CPS1: variants seen among roughly 807,000 people sequenced by gnomAD.
CPS1 encodes the protein carbamoyl-phosphate synthase [ammonia], mitochondrial.
In CPS1, 109 loss-of-function variants were observed where a neutral mutation model predicts 174.6. The observed-to-expected ratio is 0.62, with a 90% CI of 0.53 to 0.73. The LOEUF (loss-of-function observed/expected upper bound fraction) is 0.73. Ranked by LOEUF, CPS1 falls within the 30% of genes least tolerant of loss-of-function variation. CPS1 has a pLI of 0.00. For synonymous variants in CPS1, 637 were observed against 632.0 expected, an observed-to-expected ratio of 1.01 and a Z score of -0.12; for missense variants, 1,689 against 1,821.9, an observed-to-expected ratio of 0.93 and a Z score of 1.33.
At chr2:210,601,101 AT>A (rs894802854) in intron 15 of CPS1, among the ~76,000 whole-genome samples, 6 of 151,940 alleles carry the variant, frequency 3.9e-5, no homozygotes, top group African/African-American at 1.2e-4. Flanking sequence ...TTTGCTTTAA[AT>A]TTTTTTTAAA....
At chr2:210,560,590 A>G (rs368961118) in intron 1 of CPS1, among the ~76,000 whole-genome samples, 8 of 152,276 alleles carry the variant, frequency 5.3e-5, no homozygotes, top group African/African-American at 1.4e-4. Context: ...TCAGCTACGA[A>G]TGAGCACTGG....
chr2:210,675,813 A>C lies in CPS1; in HGVS notation c.4247A>C (p.Gln1416Pro). 1 of 1,575,080 alleles carries C rather than the reference A, an allele frequency of 6.3e-7. No homozygotes were observed. The highest frequency in any genetic ancestry group is 1.1e-5 in the South Asian group (1 of 90,290). The change falls in exon 36 of 38, where the codon CAG becomes CCG. Residue 1416 changes from glutamine to proline, a missense_variant. Transcript: ENST00000233072. ...TPVAWPSQEG[Q>P]NPSLSSIRKL... is the part of the protein sequence containing the mutation. ...GTGGCATGGCCGTCTCAAGAAGGAC[A>C]GAATCCCAGCCTCTCTTCCATCAGA...
At chr2:210,668,157 A>G in intron 33 of CPS1, 29 bp from the exon 34 acceptor site, 1 of 1,543,544 alleles carries the variant, frequency 6.5e-7, no homozygotes, top group South Asian at 1.1e-5. Flanking sequence ...TGCATCCTCT[A>G]TTTTAATTTT....
At chr2:210,524,123 C>A (rs1395023889) in intron 1 of CPS1, among the ~76,000 whole-genome samples, 3 of 152,006 alleles carry the variant, frequency 2.0e-5, no homozygotes, top group Non-Finnish European at 2.9e-5. Context: ...CTTCCCCATG[C>A]CTTCCTTCTA....
intron 21 of CPS1, among the ~76,000 whole-genome samples, chr2:210,634,763 A>G (rs1699990143): frequency 6.6e-6 from 1 of 152,198 alleles, no homozygotes; most frequent in South Asian, 2.1e-4. Context: ...GACAGGTCTG[A>G]TACAGAGCAC....
intron 2 of CPS1, 72 bp downstream of exon 2, chr2:210,573,479 G>GT: frequency 8.4e-7 from 1 of 1,194,632 alleles, no homozygotes; most frequent in Non-Finnish European, 1.2e-6. Flanking sequence ...ACTCATGGTG[G>GT]TAAGTTGAAA....
rs550434509 is a variant in CPS1 at position 210,637,846 on chromosome 2, A to G, written c.2829+3A>G. ...ACATCCACCCTTGGGTTAAACAGGT[A>G]AAGGAGTTTCCCTTTTCCCCCATCC... is the stretch of plus-strand genomic sequence containing the variant. On this transcript the variant is annotated splice_donor_region_variant and intron_variant, in intron 22 of 37. Transcript: ENST00000233072. The G allele has an allele frequency of 7.7e-5, 124 of 1,613,836 alleles. 3 individuals are homozygous for G. In the South Asian group the frequency reaches 1.3e-3, roughly 17 times the overall value.
intron 1 of CPS1, among the ~76,000 whole-genome samples, chr2:210,491,686 G>C (rs1694881724): frequency 6.6e-6 from 1 of 152,038 alleles, no homozygotes; most frequent in Non-Finnish European, 1.5e-5. Context: ...CACTGTTAAG[G>C]CACCAAGTTT....
chr2:210,635,830 C>G (rs1190947926), intron 21 of CPS1, among the ~76,000 whole-genome samples: 1 of 152,052 alleles, frequency 6.6e-6, no homozygotes, highest in Non-Finnish European at 1.5e-5. Context: ...TGATTTGAGA[C>G]AGAAGAGAAT....
chr2:210,641,905 TC>T (rs2105900858), intron 24 of CPS1, among the ~76,000 whole-genome samples: 1 of 152,352 alleles, frequency 6.6e-6, no homozygotes, highest in Non-Finnish European at 1.5e-5. Flanking sequence ...TTATTACACT[TC>T]AGATTTCTTT....
At chr2:210,569,510 C>T (rs770528595) in intron 1 of CPS1, among the ~76,000 whole-genome samples, 9 of 152,150 alleles carry the variant, frequency 5.9e-5, no homozygotes, top group South Asian at 2.1e-4. Flanking sequence ...TGTATTTCCA[C>T]GTATTTCAGT....
chr2:210,580,068 C>G (rs1200567748), intron 5 of CPS1, among the ~76,000 whole-genome samples: 3 of 152,150 alleles, frequency 2.0e-5, no homozygotes, highest in Non-Finnish European at 2.9e-5. Context: ...TATAATTCAG[C>G]TCATGTGATA....
rs1226134487 is a variant in CPS1 at position 210,571,853 on chromosome 2, GTT to G, written c.127-1443_127-1442del. On this transcript the variant is annotated intron_variant, in intron 1 of 37. Transcript: ENST00000233072. ...TATGGAGTTCCTGCTGCCTACTAAA[GTT>G]TGTGTGTGTGTGTGTGTGTGTGTGT... Among the ~76,000 whole-genome samples the G allele has an allele frequency of 2.1e-4, 24 of 116,682 alleles. No individual in the cohort carries two copies. In the East Asian group the frequency reaches 2.7e-3, roughly 13 times the overall value. The allele number at this position is 116,682 out of a possible 152,430, so 76.5% of individuals were successfully genotyped here. A position where few individuals can be genotyped will look rare whatever the true frequency, so the allele number is the denominator to read the frequency against.
Position 210,675,794 on chromosome 2 carries a change from TG to T in CPS1, c.4230del (p.Trp1410CysfsTer17). 1 of 1,603,756 alleles carries T rather than the reference TG, an allele frequency of 6.2e-7. No homozygotes were observed. Among genetic ancestry groups the T allele is most frequent in the Non-Finnish European group, 8.5e-7 (1 of 1,170,520 alleles). On this transcript the variant is annotated frameshift_variant, in exon 36 of 38. Coordinates refer to ENST00000233072, the MANE Select transcript of CPS1 (RefSeq NM_001875.5). LOFTEE classifies it high-confidence loss of function. ...CAATGTCCCTGCCACCCCAGTGGCA[TG>T]GCCGTCTCAAGAAGGACAGAATCCC... ...ANNVPATPVA[W>X]PSQEGQNPSL...
Position 210,622,781 on chromosome 2 carries a change from G to T in CPS1, c.2687+6240G>T, listed in dbSNP as rs1439272158. Among the ~76,000 whole-genome samples, 5 of 142,350 alleles carry T rather than the reference G, an allele frequency of 3.5e-5. No individual in the cohort carries two copies. In the East Asian group the frequency reaches 1.0e-3, roughly 29 times the overall value. 93.4% of individuals were successfully genotyped at this position (142,350 alleles called of 152,430 possible). A position where few individuals can be genotyped will look rare whatever the true frequency, so the allele number is the denominator to read the frequency against. ...TCATGATACTTAAAAAAAAAAAAAA[G>T]ACACATGAACAGGCAAGAAAAAAAA... On this transcript the variant is annotated intron_variant, in intron 21 of 37. Coordinates refer to ENST00000233072, the MANE Select transcript of CPS1 (RefSeq NM_001875.5).
intron 1 of CPS1, among the ~76,000 whole-genome samples, chr2:210,514,169 C>CT (rs1338946836): frequency 6.6e-6 from 1 of 151,854 alleles, no homozygotes; most frequent in Non-Finnish European, 1.5e-5. Context: ...TTCTCAAGCT[C>CT]TTTTTTGGTT....
chr2:210,573,096 A>G (rs2106072769), intron 1 of CPS1, among the ~76,000 whole-genome samples: 1 of 152,206 alleles, frequency 6.6e-6, no homozygotes, highest in Middle Eastern at 3.4e-3. Flanking sequence ...CAAGAAAACA[A>G]AACAAAACAT....
In CPS1 at chr2:210,647,927, A is replaced by T; in HGVS notation, c.3206A>T (p.Tyr1069Phe). Residue 1069 changes from tyrosine (Y) to phenylalanine (F), a missense_variant, in exon 26 of 38, where the codon TAC (tyrosine) becomes TTC (phenylalanine). Coordinates refer to ENST00000233072, the MANE Select transcript of CPS1 (RefSeq NM_001875.5). ...QIPNNLAVPL[Y>F]KNGVKIMGTS... is the part of the protein sequence containing the mutation. ...CCAAACAACCTGGCAGTTCCTCTATACAAGAATGGTGTCAAGATCATGGGC... is the reference window on the plus strand; with the variant it reads ...CCAAACAACCTGGCAGTTCCTCTATTCAAGAATGGTGTCAAGATCATGGGC... 6.2e-7 allele frequency: 1 copy of T among 1,614,076 alleles called. No homozygotes were observed. The highest frequency in any genetic ancestry group is 2.2e-5 in the East Asian group (1 of 44,872).
intron 27 of CPS1, among the ~76,000 whole-genome samples, chr2:210,649,513 G>T (rs1397218728): frequency 6.6e-6 from 1 of 152,132 alleles, no homozygotes; most frequent in Non-Finnish European, 1.5e-5. Context: ...AACTGGTGAG[G>T]TGATGGATAT....
Sources: gnomAD v4.1 joint callset for allele counts (sites outside exome capture counted in the v4.1 genomes callset) on GRCh38, gnomAD v4.1.1 for gene constraint, MANE v1.5 for transcripts, NCBI Gene and HGNC (gene_info 2026-07-23, HGNC 2026-07-21) for gene names.